The following SLC24A3 variants were observed in gnomAD, a reference collection of about 807,000 sequenced individuals.
The protein encoded by SLC24A3 is solute carrier family 24 member 3, also known as sodium/potassium/calcium exchanger 3.
A neutral mutation model predicts 75.8 loss-of-function variants in SLC24A3; 28 were observed. The observed-to-expected ratio is 0.37, with a 90% CI of 0.27 to 0.51. The LOEUF is 0.51. Ranked by LOEUF, SLC24A3 falls within the 20% of genes least tolerant of loss-of-function variation. The pLI, the probability that SLC24A3 is intolerant of heterozygous loss-of-function variation, is 0.94. For missense variants in SLC24A3, 663 were observed against 847.8 expected (o/e 0.78, Z 2.71); for synonymous variants, 372 against 334.1 (o/e 1.11, Z -1.24).
At chr20:19,524,537 G>C (rs1337685587) in intron 3 of SLC24A3, among the ~76,000 whole-genome samples, 1 of 152,212 alleles carries the variant, frequency 6.6e-6, no homozygotes, top group Non-Finnish European at 1.5e-5. Flanking sequence ...CTGCCCTTCA[G>C]TAGAGAGCTT....
intron 2 of SLC24A3, among the ~76,000 whole-genome samples, chr20:19,499,529 C>A (rs1329589076): frequency 6.6e-6 from 1 of 152,210 alleles, no homozygotes; most frequent in East Asian, 1.9e-4. Flanking sequence ...ATCCTCCCAC[C>A]TTAGCCTGCT....
At chr20:19,629,787 T>C (rs1166252723) in intron 6 of SLC24A3, among the ~76,000 whole-genome samples, 1 of 152,178 alleles carries the variant, frequency 6.6e-6, no homozygotes, top group Non-Finnish European at 1.5e-5. Context: ...CGGCCAAGAA[T>C]ACTGTGCAGA....
intron 2 of SLC24A3, among the ~76,000 whole-genome samples, chr20:19,314,300 TA>T: frequency 6.7e-6 from 1 of 148,610 alleles, no homozygotes; most frequent in African/African-American, 2.5e-5. Flanking sequence ...TATTTTATTT[TA>T]TTTTATTTTA....
intron 1 of SLC24A3, among the ~76,000 whole-genome samples, chr20:19,232,266 G>A (rs1477274595): frequency 2.0e-5 from 3 of 152,138 alleles, no homozygotes; most frequent in Non-Finnish European, 4.4e-5. Flanking sequence ...CATGCAACAT[G>A]TGACATTCTA....
At chr20:19,680,564 G>A (rs368135391) in intron 9 of SLC24A3, among the ~76,000 whole-genome samples, 1 of 152,234 alleles carries the variant, frequency 6.6e-6, no homozygotes, top group African/African-American at 2.4e-5. Context: ...TTGCAAAATA[G>A]TGGTGTTCTA....
chr20:19,706,937 T>C (rs2092543878), intron 15 of SLC24A3, among the ~76,000 whole-genome samples: 2 of 152,174 alleles, frequency 1.3e-5, no homozygotes, highest in African/African-American at 4.8e-5. Flanking sequence ...ATCTCAGTCA[T>C]ACCTTTGTGG....
intron 1 of SLC24A3, among the ~76,000 whole-genome samples, chr20:19,256,624 C>G (rs1982822212): frequency 6.6e-6 from 1 of 151,786 alleles, no homozygotes; most frequent in South Asian, 2.1e-4. Flanking sequence ...CAAAAATTAG[C>G]CGGGCATGGT....
chr20:19,476,624 A>G (rs4814857), intron 2 of SLC24A3, among the ~76,000 whole-genome samples: 20,448 of 152,296 alleles, frequency 0.13, 1,623 homozygotes, highest in Middle Eastern at 0.22. Context: ...ATAAAGGACT[A>G]GCATTCAAAA....
intron 2 of SLC24A3, among the ~76,000 whole-genome samples, chr20:19,344,631 A>C (rs1035226771): frequency 6.6e-6 from 1 of 152,216 alleles, no homozygotes; most frequent in Non-Finnish European, 1.5e-5. Context: ...CACTGCAGAC[A>C]GTATACCACA....
intron 3 of SLC24A3, among the ~76,000 whole-genome samples, chr20:19,550,138 T>A (rs2030666735): frequency 6.6e-6 from 1 of 152,176 alleles, no homozygotes. Flanking sequence ...AAGATAGCAT[T>A]TACTAAATTT....
chr20:19,604,643 G>C (rs2031572459), intron 6 of SLC24A3, among the ~76,000 whole-genome samples: 1 of 152,176 alleles, frequency 6.6e-6, no homozygotes, highest in African/African-American at 2.4e-5. Context: ...GTGCTCAGTG[G>C]TTCTAAACTA....
At chr20:19,572,607 G>T (rs186045057) in intron 3 of SLC24A3, among the ~76,000 whole-genome samples, 104 of 152,256 alleles carry the variant, frequency 6.8e-4, no homozygotes, top group Non-Finnish European at 1.1e-3. Context: ...GAAAGTCAAC[G>T]GAGCTCTCTA....
chr20:19,622,812 C>G (rs1481409477), intron 6 of SLC24A3, among the ~76,000 whole-genome samples: 1 of 152,140 alleles, frequency 6.6e-6, no homozygotes, highest in African/African-American at 2.4e-5. Flanking sequence ...AGAAGCATGG[C>G]ACCAGCATCT....
chr20:19,392,859 G>C (rs1309400822), intron 2 of SLC24A3, among the ~76,000 whole-genome samples: 4 of 152,170 alleles, frequency 2.6e-5, no homozygotes, highest in Non-Finnish European at 5.9e-5. Flanking sequence ...CATATGTTTA[G>C]TTTGCTGACA....
At chr20:19,322,459 G>A (rs2122278570) in intron 2 of SLC24A3, among the ~76,000 whole-genome samples, 1 of 126,430 alleles carries the variant, frequency 7.9e-6, no homozygotes, top group Middle Eastern at 5.0e-3. Flanking sequence ...TACCTTCATT[G>A]TTCTTTTTGG....
intron 1 of SLC24A3, among the ~76,000 whole-genome samples, chr20:19,252,643 C>CAGA (rs113050087): frequency 7.5e-6 from 1 of 133,364 alleles, no homozygotes; most frequent in Admixed American, 7.7e-5. Flanking sequence ...ATTGGAATGG[C>CAGA]GGGGGGGGGT....
chr20:19,610,830 C>T (rs1340745314), intron 6 of SLC24A3, among the ~76,000 whole-genome samples: 1 of 152,346 alleles, frequency 6.6e-6, no homozygotes, highest in South Asian at 2.1e-4. Flanking sequence ...GAGGGTATCA[C>T]TCCTGAGCAC....
intron 7 of SLC24A3, among the ~76,000 whole-genome samples, chr20:19,660,470 G>A (rs544368394): frequency 1.1e-4 from 17 of 152,152 alleles, no homozygotes; most frequent in East Asian, 1.9e-4. Context: ...ATATTGTTTC[G>A]TTTCTTTTCG....
At chr20:19,297,642 A>G (rs982640540) in intron 2 of SLC24A3, among the ~76,000 whole-genome samples, 1 of 152,240 alleles carries the variant, frequency 6.6e-6, no homozygotes, top group African/African-American at 2.4e-5. Context: ...ACATCTATAC[A>G]TATTGATGAC....
Sources: allele counts gnomAD v4.1 joint callset (sites outside exome capture counted in the v4.1 genomes callset), GRCh38; gene constraint gnomAD v4.1.1; transcripts MANE v1.5; gene names NCBI Gene and HGNC (gene_info 2026-07-23, HGNC 2026-07-21).